Variants in PPM1E observed in about 807,000 individuals in gnomAD.
The protein encoded by PPM1E is protein phosphatase 1E.
Under a neutral mutation model 65.9 loss-of-function variants are expected in PPM1E, and 20 were observed. The ratio of observed to expected loss-of-function variants is 0.30; its 90% CI spans 0.21 to 0.44. The LOEUF is 0.44. Ranked by LOEUF, PPM1E falls within the 20% of genes least tolerant of loss-of-function variation. The probability of loss-of-function intolerance (pLI) is 1.00; values close to 1 mark genes in which losing one functional copy is unlikely to be tolerated. For missense variants in PPM1E, 713 were observed against 953.1 expected (o/e 0.75, Z 3.32); for synonymous variants, 352 against 374.9 (o/e 0.94, Z 0.70).
intron 1 of PPM1E, chr17:58,785,645 C>T (rs1359249930): frequency 6.6e-6 from 1 of 151,250 alleles, no homozygotes; most frequent in Non-Finnish European, 1.5e-5. Flanking sequence ...ATAATAAAAA[C>T]TATGGAAGAT....
intron 1 of PPM1E, among the ~76,000 whole-genome samples, chr17:58,862,061 TA>T (rs1182258002): frequency 6.6e-6 from 1 of 152,246 alleles, no homozygotes; most frequent in Non-Finnish European, 1.5e-5. Context: ...TTACAGTTTT[TA>T]ATTAGCTGCC....
At chr17:58,845,560 A>G (rs2050762958) in intron 1 of PPM1E, among the ~76,000 whole-genome samples, 1 of 152,140 alleles carries the variant, frequency 6.6e-6, no homozygotes, top group African/African-American at 2.4e-5. Flanking sequence ...TTGGACTACA[A>G]TGAATAACTA....
intron 1 of PPM1E, among the ~76,000 whole-genome samples, chr17:58,934,863 G>A (rs2051956585): frequency 6.6e-6 from 1 of 151,342 alleles, no homozygotes; most frequent in Non-Finnish European, 1.5e-5. Flanking sequence ...GGAGACAGAG[G>A]TTGCAGTGAG....
At chr17:58,760,911 G>C (rs1002263049) in intron 1 of PPM1E, among the ~76,000 whole-genome samples, 1 of 152,196 alleles carries the variant, frequency 6.6e-6, no homozygotes, top group African/African-American at 2.4e-5. Flanking sequence ...GAAGAGAGAT[G>C]CCTAGGGTAT....
At chr17:58,764,706 T>G (rs2049856441) in intron 1 of PPM1E, among the ~76,000 whole-genome samples, 1 of 151,982 alleles carries the variant, frequency 6.6e-6, no homozygotes, top group Non-Finnish European at 1.5e-5. Flanking sequence ...CATCCTTGAC[T>G]TCCCAAGCTC....
intron 6 of PPM1E, 64 bp downstream of exon 6, chr17:58,972,989 T>TCAATCC: frequency 9.2e-7 from 1 of 1,089,066 alleles, no homozygotes; most frequent in Non-Finnish European, 1.4e-6. Context: ...CTGTATCAAC[T>TCAATCC]CTGATACAGG....
intron 1 of PPM1E, among the ~76,000 whole-genome samples, chr17:58,819,116 C>T (rs781471361): frequency 6.6e-6 from 1 of 152,074 alleles, no homozygotes; most frequent in Non-Finnish European, 1.5e-5. Context: ...GGTGGTTGAT[C>T]TCTGCCCCCC....
chr17:58,837,260 T>TAAA (rs57058929), intron 1 of PPM1E, among the ~76,000 whole-genome samples: 4 of 66,286 alleles, frequency 6.0e-5, no homozygotes, highest in South Asian at 6.2e-4. Context: ...TTAAAAAAAT[T>TAAA]AAAAAAAAAA....
At chr17:58,978,754 T>C (rs1276916938) in intron 6 of PPM1E, among the ~76,000 whole-genome samples, 1 of 152,188 alleles carries the variant, frequency 6.6e-6, no homozygotes, top group African/African-American at 2.4e-5. Context: ...CATAAGCTAT[T>C]TGGTTACCTC....
At chr17:58,833,213 A>G (rs140539633) in intron 1 of PPM1E, among the ~76,000 whole-genome samples, 2 of 151,768 alleles carry the variant, frequency 1.3e-5, no homozygotes, top group East Asian at 1.9e-4. Flanking sequence ...AGAACTCCCA[A>G]AGAAACTCCC....
At chr17:58,782,063 T>G (rs191641238) in intron 1 of PPM1E, among the ~76,000 whole-genome samples, 84 of 152,258 alleles carry the variant, frequency 5.5e-4, no homozygotes, top group Non-Finnish European at 9.4e-4. Flanking sequence ...TTGCTCTGCA[T>G]CTATTTATAG....
At chr17:58,878,008 A>T (rs1468788854) in intron 1 of PPM1E, among the ~76,000 whole-genome samples, 1 of 152,152 alleles carries the variant, frequency 6.6e-6, no homozygotes, top group African/African-American at 2.4e-5. Context: ...TTCTGTTTAA[A>T]AAGAAAAAAG....
intron 1 of PPM1E, among the ~76,000 whole-genome samples, chr17:58,795,994 G>A (rs1309128919): frequency 6.6e-6 from 1 of 152,148 alleles, no homozygotes; most frequent in African/African-American, 2.4e-5. Context: ...TGTTTACTCT[G>A]TTGACAGTTT....
chr17:58,810,644 T>G (rs532322637), intron 1 of PPM1E, among the ~76,000 whole-genome samples: 60 of 152,252 alleles, frequency 3.9e-4, no homozygotes, highest in Non-Finnish European at 7.6e-4. Flanking sequence ...CCTTATGGTT[T>G]TAGCTGCCTT....
At chr17:58,813,091 T>C (rs909618007) in intron 1 of PPM1E, among the ~76,000 whole-genome samples, 4 of 152,186 alleles carry the variant, frequency 2.6e-5, no homozygotes, top group South Asian at 2.1e-4. Context: ...CTACAAGATA[T>C]GATGTTCATT....
chr17:58,833,709 T>C (rs116914569), intron 1 of PPM1E, among the ~76,000 whole-genome samples: 1 of 152,124 alleles, frequency 6.6e-6, no homozygotes, highest in Non-Finnish European at 1.5e-5. Flanking sequence ...ATATGTCTTT[T>C]TGATAGAATT....
chr17:58,865,874 T>G (rs1386589425), intron 1 of PPM1E, among the ~76,000 whole-genome samples: 1 of 152,182 alleles, frequency 6.6e-6, no homozygotes, highest in African/African-American at 2.4e-5. Context: ...TTTACATCCC[T>G]AGGCACAGAA....
chr17:58,854,974 G>C (rs2050866778), intron 1 of PPM1E, among the ~76,000 whole-genome samples: 2 of 152,142 alleles, frequency 1.3e-5, no homozygotes, highest in South Asian at 4.1e-4. Context: ...ACCTCTGCAG[G>C]TACCAGTATC....
At chr17:58,950,393 C>A (rs2052219516) in intron 1 of PPM1E, among the ~76,000 whole-genome samples, 1 of 152,128 alleles carries the variant, frequency 6.6e-6, no homozygotes, top group Non-Finnish European at 1.5e-5. Flanking sequence ...CTATAATGTG[C>A]CTTAGAGAAG....
Sources: allele counts gnomAD v4.1 joint callset (sites outside exome capture counted in the v4.1 genomes callset), GRCh38; gene constraint gnomAD v4.1.1; transcripts MANE v1.5; gene names NCBI Gene and HGNC (gene_info 2026-07-23, HGNC 2026-07-21).